DCC: variants seen among roughly 807,000 people sequenced by gnomAD.
The protein encoded by DCC is DCC netrin 1 receptor, also known as netrin receptor DCC.
A neutral mutation model predicts 172.5 loss-of-function variants in DCC; 58 were observed. That is an observed-to-expected ratio of 0.34 (90% CI 0.27 to 0.42). DCC has a LOEUF of 0.42. Ranked by LOEUF, DCC falls within the 10% of genes least tolerant of loss-of-function variation. The probability of loss-of-function intolerance (pLI) is 1.00; values close to 1 mark genes in which losing one functional copy is unlikely to be tolerated. For synonymous variants in DCC, 709 were observed against 644.5 expected, an observed-to-expected ratio of 1.10 and a Z score of -1.52; for missense variants, 1,740 against 1,791.0, an observed-to-expected ratio of 0.97 and a Z score of 0.51.
At chr18:53,017,118 C>T (rs1367209895) in intron 5 of DCC, among the ~76,000 whole-genome samples, 6 of 149,946 alleles carry the variant, frequency 4.0e-5, no homozygotes, top group Non-Finnish European at 8.9e-5. Flanking sequence ...CACTGTTACC[C>T]AGGCTGGAGT....
intron 13 of DCC, among the ~76,000 whole-genome samples, chr18:53,315,034 T>C (rs145373812): frequency 7.9e-4 from 120 of 152,314 alleles, no homozygotes; most frequent in African/African-American, 2.9e-3. Context: ...TGCATAGGTA[T>C]ACACATGCCG....
chr18:52,864,894 C>T (rs1197582831), intron 2 of DCC, among the ~76,000 whole-genome samples: 1 of 151,652 alleles, frequency 6.6e-6, no homozygotes, highest in African/African-American at 2.4e-5. Flanking sequence ...GAGACGGAGT[C>T]TCACTCTGTG....
chr18:53,080,419 T>TC (rs1325560949), intron 7 of DCC, among the ~76,000 whole-genome samples: 2 of 152,136 alleles, frequency 1.3e-5, no homozygotes, highest in Non-Finnish European at 2.9e-5. Flanking sequence ...TCTCAATGAC[T>TC]CATTAGGAAG....
chr18:52,392,437 T>G (rs1433619697), intron 1 of DCC, among the ~76,000 whole-genome samples: 1 of 152,116 alleles, frequency 6.6e-6, no homozygotes, highest in Non-Finnish European at 1.5e-5. Context: ...TGACTGAAAC[T>G]GTATAGTGAA....
At chr18:53,518,496 T>C (rs888703875) in intron 27 of DCC, among the ~76,000 whole-genome samples, 21 of 152,134 alleles carry the variant, frequency 1.4e-4, no homozygotes, top group Non-Finnish European at 2.4e-4. Context: ...ATGTACCTAA[T>C]GAGTAAATGA....
intron 5 of DCC, among the ~76,000 whole-genome samples, chr18:53,059,651 A>T (rs1205512165): frequency 6.6e-6 from 1 of 152,164 alleles, no homozygotes; most frequent in Non-Finnish European, 1.5e-5. Flanking sequence ...TTCTCTAAAT[A>T]GTCATGGTAC....
intron 26 of DCC, among the ~76,000 whole-genome samples, chr18:53,487,404 AAATT>A (rs1325968182): frequency 1.3e-5 from 2 of 152,150 alleles, no homozygotes; most frequent in East Asian, 1.9e-4. Flanking sequence ...TCAGCTTTAA[AAATT>A]AATTATCAGA....
At chr18:52,879,463 G>A (rs1243767806) in intron 2 of DCC, among the ~76,000 whole-genome samples, 6 of 92,500 alleles carry the variant, frequency 6.5e-5, no homozygotes, top group South Asian at 6.9e-4. Context: ...TCACTCTGCC[G>A]CCCAGGCTGG....
intron 12 of DCC, among the ~76,000 whole-genome samples, chr18:53,256,401 G>A (rs916301584): frequency 2.6e-5 from 4 of 152,128 alleles, no homozygotes; most frequent in Non-Finnish European, 4.4e-5. Context: ...AAGGTGTAAG[G>A]AAGGGATCCA....
intron 5 of DCC, among the ~76,000 whole-genome samples, chr18:53,036,393 C>A (rs1213900480): frequency 6.6e-6 from 1 of 151,986 alleles, no homozygotes; most frequent in East Asian, 1.9e-4. Flanking sequence ...AAACTGCACC[C>A]AGCTGAACCA....
At chr18:52,555,265 C>G (rs936493547) in intron 1 of DCC, among the ~76,000 whole-genome samples, 4 of 152,004 alleles carry the variant, frequency 2.6e-5, no homozygotes, top group Non-Finnish European at 4.4e-5. Flanking sequence ...CTAACATAAA[C>G]CTGAAGGAGG....
At chr18:52,868,061 G>A (rs1233499425) in intron 2 of DCC, among the ~76,000 whole-genome samples, 23 of 99,760 alleles carry the variant, frequency 2.3e-4, no homozygotes, top group Admixed American at 3.9e-4. Context: ...ATATGTGTGT[G>A]TGTGTGTGTG....
rs551470118 is a variant in DCC, at chr18:53,038,755, C to T, written c.986-24550C>T. 3.3e-5 allele frequency among the ~76,000 whole-genome samples: 5 copies of T among 152,150 alleles called. No homozygotes were observed. In the South Asian group the frequency reaches 6.2e-4, roughly 19 times the overall value. On this transcript the variant is annotated intron_variant, in intron 5 of 28. Transcript: ENST00000442544. ...AGCAGATATTGAGACACAGGCTTGT[C>T]TGTGATTACTCAGCCTGGGCTCTTT...
chr18:52,505,182 T>G (rs983073746), intron 1 of DCC, among the ~76,000 whole-genome samples: 1 of 150,984 alleles, frequency 6.6e-6, no homozygotes, highest in Non-Finnish European at 1.5e-5. Context: ...AACAGTTGGT[T>G]TCTGTCTGCC....
Position 53,530,247 on chromosome 18 carries a change from G to C in DCC, c.4255-317G>C. ...TATAGATGAAGAAAATTACGTATCA[G>C]AGAGGTGCACTCACTTGTCTAAGAC... On this transcript the variant is annotated intron_variant, in intron 28 of 28. Transcript: ENST00000442544. 3 of 678,550 alleles carry C rather than the reference G, an allele frequency of 4.4e-6. No homozygotes were observed. The South Asian group carries it at 4.8e-5, about 11-fold the overall frequency. 42.0% of individuals were successfully genotyped at this position (678,550 alleles called of 1,614,324 possible).
At chr18:53,318,993 T>C (rs1008259990) in intron 13 of DCC, among the ~76,000 whole-genome samples, 2 of 152,148 alleles carry the variant, frequency 1.3e-5, no homozygotes, top group Non-Finnish European at 2.9e-5. Context: ...CAACCCAGAA[T>C]TTCATATCCA....
At position 52,416,969 on chromosome 18, in the gene DCC, G is replaced by A. The variant is rs376789372; in HGVS notation, c.91+76091G>A. Among the ~76,000 whole-genome samples, 279 of 152,166 alleles carry A rather than the reference G, an allele frequency of 1.8e-3. 6 individuals are homozygous for A. In the East Asian group the frequency reaches 0.043, roughly 23 times the overall value. The stretch of plus-strand genomic sequence containing the variant: ...GTTGATGCAGTTTCTTCCTAGCCTC[G>A]ATGGTCTTTACAATTTGGCATGATT... On this transcript the variant is annotated intron_variant, in intron 1 of 28. Coordinates refer to ENST00000442544, the MANE Select transcript of DCC (RefSeq NM_005215.4).
chr18:52,554,833 A>G (rs1392123052), intron 1 of DCC, among the ~76,000 whole-genome samples: 1 of 152,104 alleles, frequency 6.6e-6, no homozygotes, highest in Non-Finnish European at 1.5e-5. Context: ...AGATCTGAAA[A>G]GGAAAAGACT....
chr18:53,201,679 A>G (rs913575762), intron 9 of DCC, among the ~76,000 whole-genome samples: 1 of 152,038 alleles, frequency 6.6e-6, no homozygotes, highest in Non-Finnish European at 1.5e-5. Flanking sequence ...TTTTTTTCCC[A>G]TTAAGGAAAT....
Sources: allele counts gnomAD v4.1 joint callset (sites outside exome capture counted in the v4.1 genomes callset), GRCh38; gene constraint gnomAD v4.1.1; transcripts MANE v1.5; gene names NCBI Gene and HGNC (gene_info 2026-07-23, HGNC 2026-07-21).